The following PTPN22 variants were observed in gnomAD, a reference collection of about 807,000 sequenced individuals.
The protein encoded by PTPN22 is tyrosine-protein phosphatase non-receptor type 22.
A neutral mutation model predicts 103.3 loss-of-function variants in PTPN22; 85 were observed. The ratio of observed to expected loss-of-function variants is 0.82; its 90% CI spans 0.69 to 0.99. The LOEUF (loss-of-function observed/expected upper bound fraction) is 0.99, where lower values mean the gene tolerates loss of function less well. PTPN22 is among the 50% of genes least tolerant of loss of function. The pLI is 0.00. For synonymous variants in PTPN22, 323 were observed against 310.2 expected (o/e 1.04, Z -0.43); for missense variants, 865 against 936.9 (o/e 0.92, Z 1.00).
At chr1:113,821,265 T>G (rs971559955) in intron 19 of PTPN22, among the ~76,000 whole-genome samples, 1 of 152,150 alleles carries the variant, frequency 6.6e-6, no homozygotes, top group African/African-American at 2.4e-5. Flanking sequence ...CAGAGGAAAC[T>G]GCTATTTTGT....
At chr1:113,824,491 C>T (rs1462466636) in intron 19 of PTPN22, among the ~76,000 whole-genome samples, 1 of 152,102 alleles carries the variant, frequency 6.6e-6, no homozygotes, top group African/African-American at 2.4e-5. Context: ...ATTTTCATTA[C>T]AACGTAGCAA....
At chr1:113,848,614 G>T (rs1664298933) in exon 11 of PTPN22, 1 of 1,612,806 alleles carries the variant, frequency 6.2e-7, no homozygotes, top group Non-Finnish European at 8.5e-7. Flanking sequence ...TTGTAGACCA[G>T]TTCATATTGT....
At chr1:113,858,659 T>G in intron 3 of PTPN22, 86 bp from the exon 4 acceptor site, 1 of 822,316 alleles carries the variant, frequency 1.2e-6, no homozygotes, top group South Asian at 1.9e-5. Flanking sequence ...TTTTTTTTTT[T>G]GAGATGGTCT....
At chr1:113,868,368 C>T (rs1168931459) in intron 1 of PTPN22, among the ~76,000 whole-genome samples, 2 of 152,120 alleles carry the variant, frequency 1.3e-5, no homozygotes, top group South Asian at 2.1e-4. Flanking sequence ...CCTCAAACCT[C>T]GGAAACATAA....
intron 10 of PTPN22, among the ~76,000 whole-genome samples, chr1:113,850,066 G>T (rs12737083): frequency 0.046 from 6,926 of 152,040 alleles, 184 homozygotes; most frequent in Non-Finnish European, 0.067. Flanking sequence ...GCATGGTGAT[G>T]CGTGCCTGGA....
chr1:113,822,945 C>G (rs1426180375), intron 19 of PTPN22, among the ~76,000 whole-genome samples: 1 of 152,172 alleles, frequency 6.6e-6, no homozygotes, highest in East Asian at 1.9e-4. Flanking sequence ...GGCGACAGAG[C>G]TAGACTCCGT....
chr1:113,862,091 C>T (rs1450479972), intron 1 of PTPN22, among the ~76,000 whole-genome samples: 6 of 151,754 alleles, frequency 4.0e-5, no homozygotes, highest in African/African-American at 1.5e-4. Flanking sequence ...CCAGCCTGGC[C>T]AGCATAGTGA....
intron 10 of PTPN22, 140 bp from the exon 11 acceptor site, chr1:113,848,766 T>C (rs1445604724): frequency 1.7e-5 from 13 of 751,512 alleles, no homozygotes; most frequent in Non-Finnish European, 2.8e-5. Flanking sequence ...GTTATTAAAC[T>C]TACTAACAAT....
intron 11 of PTPN22, among the ~76,000 whole-genome samples, chr1:113,847,940 G>A (rs755506132): frequency 7.2e-5 from 11 of 152,206 alleles, no homozygotes; most frequent in Non-Finnish European, 1.2e-4. Context: ...TTGCTATGTT[G>A]CTGAGGCTGC....
chr1:113,818,014 T>A (rs969529861), intron 20 of PTPN22, among the ~76,000 whole-genome samples: 8 of 151,630 alleles, frequency 5.3e-5, no homozygotes, highest in Non-Finnish European at 1.0e-4. Flanking sequence ...GGTCTTCAAC[T>A]CCTGGGCTCA....
At chr1:113,822,050 G>A (rs1322897107) in intron 19 of PTPN22, among the ~76,000 whole-genome samples, 1 of 152,190 alleles carries the variant, frequency 6.6e-6, no homozygotes, top group Non-Finnish European at 1.5e-5. Context: ...GAACTCACAT[G>A]ATAAAAACCT....
chr1:113,865,818 T>C (rs926008691), intron 1 of PTPN22, among the ~76,000 whole-genome samples: 1 of 152,224 alleles, frequency 6.6e-6, no homozygotes, highest in Non-Finnish European at 1.5e-5. Flanking sequence ...ATAAATTATT[T>C]GGGTATTACT....
intron 19 of PTPN22, among the ~76,000 whole-genome samples, chr1:113,820,785 C>T (rs999885505): frequency 2.6e-5 from 4 of 152,056 alleles, no homozygotes; most frequent in African/African-American, 9.7e-5. Flanking sequence ...TTTCAGAATG[C>T]ACTGTGTGAA....
At chr1:113,826,659 A>ATT (rs10563752) in intron 18 of PTPN22, among the ~76,000 whole-genome samples, 2,854 of 63,126 alleles carry the variant, frequency 0.045, 704 homozygotes, top group African/African-American at 0.12. Context: ...GGAGTCTCTA[A>ATT]TTTTTTTTTT....
intron 18 of PTPN22, 32 bp downstream of exon 18, chr1:113,829,560 G>T: frequency 7.6e-7 from 1 of 1,316,782 alleles, no homozygotes; most frequent in East Asian, 2.4e-5. Flanking sequence ...GAAAGTTTCC[G>T]GCATGTTTCC....
chr1:113,834,374 G>A, exon 15 of PTPN22: 1 of 1,613,708 alleles, frequency 6.2e-7, no homozygotes, highest in Admixed American at 1.7e-5. Context: ...CCCCATTCCA[G>A]TGATGTTCCA....
chr1:113,813,996 AT>A (rs1271065274), exon 21 of PTPN22: 4 of 152,252 alleles, frequency 2.6e-5, no homozygotes, highest in Non-Finnish European at 5.9e-5. Flanking sequence ...AAATAAAAAT[AT>A]TTTTAATGCA....
intron 20 of PTPN22, 102 bp downstream of exon 20, chr1:113,819,475 C>G (rs1259228160): frequency 2.6e-6 from 2 of 755,354 alleles, no homozygotes; most frequent in Non-Finnish European, 4.2e-6. Context: ...ACATAAGGAC[C>G]TATACATGCA....
chr1:113,849,501 A>AT (rs756234837), intron 10 of PTPN22, among the ~76,000 whole-genome samples: 3 of 151,972 alleles, frequency 2.0e-5, no homozygotes, highest in East Asian at 3.9e-4. Flanking sequence ...ATAAAGAACA[A>AT]TTTTTTTTCA....
Sources: gnomAD v4.1 joint callset for allele counts (sites outside exome capture counted in the v4.1 genomes callset) on GRCh38, gnomAD v4.1.1 for gene constraint, MANE v1.5 for transcripts, NCBI Gene and HGNC (gene_info 2026-07-23, HGNC 2026-07-21) for gene names.